AP3D1: variants seen among roughly 807,000 people sequenced by gnomAD.
AP3D1 encodes AP-3 complex subunit delta-1.
AP3D1 carries 51 observed loss-of-function variants against 147.6 expected under a neutral mutation model. The ratio of observed to expected loss-of-function variants is 0.35; its 90% CI spans 0.28 to 0.44. AP3D1 has a LOEUF of 0.44. Among genes scored for constraint, AP3D1 ranks in the 20% least tolerant of loss-of-function variants. The pLI, the probability that AP3D1 is intolerant of heterozygous loss-of-function variation, is 1.00. For missense variants in AP3D1, 1,421 were observed against 1,624.2 expected (o/e 0.87, Z 2.15); for synonymous variants, 760 against 663.0 (o/e 1.15, Z -2.25).
intron 1 of AP3D1, among the ~76,000 whole-genome samples, chr19:2,141,184 A>G (rs1271475473): frequency 1.3e-5 from 2 of 152,210 alleles, no homozygotes; most frequent in South Asian, 2.1e-4. Context: ...GACACTTTCT[A>G]CAAAAACACC....
intron 15 of AP3D1, among the ~76,000 whole-genome samples, chr19:2,118,370 A>G (rs2018515304): frequency 6.6e-6 from 1 of 152,108 alleles, no homozygotes; most frequent in South Asian, 2.1e-4. Flanking sequence ...GCACCCTCAC[A>G]TACCCAGCAC....
At chr19:2,113,723 G>A (rs533507545) in intron 22 of AP3D1, among the ~76,000 whole-genome samples, 1 of 152,352 alleles carries the variant, frequency 6.6e-6, no homozygotes, top group Non-Finnish European at 1.5e-5. Context: ...ACGTGGGTGT[G>A]GACAGGCTCC....
intron 31 of AP3D1, among the ~76,000 whole-genome samples, chr19:2,107,222 T>C (rs1380171619): frequency 6.7e-6 from 1 of 149,526 alleles, no homozygotes; most frequent in Non-Finnish European, 1.5e-5. Flanking sequence ...ACCGCGCCAC[T>C]GCAGTCCAGC....
At chr19:2,164,335 A>ACC in intron 1 of AP3D1, 1 of 1,101,176 alleles carries the variant, frequency 9.1e-7, no homozygotes, top group Non-Finnish European at 1.1e-6. Context: ...GACACCCCAA[A>ACC]CCCCCCCAAG....
At chr19:2,153,604 G>A (rs1321183924), upstream of AP3D1, among the ~76,000 whole-genome samples, 1 of 151,944 alleles carries the variant, frequency 6.6e-6, no homozygotes, top group African/African-American at 2.4e-5. Context: ...CCGCCCAGGG[G>A]GCGGAGGTTG....
At chr19:2,154,072 C>A (rs147872094), upstream of AP3D1, among the ~76,000 whole-genome samples, 10,463 of 151,278 alleles carry the variant, frequency 0.069, 648 homozygotes, top group African/African-American at 0.16. Flanking sequence ...CTCAGCCTCC[C>A]GAGTAGCTGG....
Position 2,120,973 on chromosome 19 carries a change from G to A in AP3D1, c.1370C>T (p.Ser457Phe). 6.2e-7 allele frequency: 1 copy of A among 1,612,182 alleles called. No homozygotes were observed. The highest frequency in any genetic ancestry group is 1.1e-5 in the South Asian group (1 of 91,078). The change falls in exon 14 of 32, where the codon TCC (serine) becomes TTC (phenylalanine). Residue 457 changes from serine to phenylalanine, a missense_variant. Transcript: ENST00000643116. ...RVKAIRKFAV[S>F]QMSALLDSAH... is the part of the protein sequence containing the mutation. ...ACTGTCAAGCAGCGCAGACATCTGG[G>A]ACACGGCGAACTTGCGGATGGCCTT...
chr19:2,108,554 T>A, intron 31 of AP3D1, 133 bp downstream of exon 31: 1 of 775,934 alleles, frequency 1.3e-6, no homozygotes, highest in African/African-American at 1.7e-5. Context: ...GGTGAGGGGC[T>A]CATGGCAGCA....
Position 2,126,585 on chromosome 19 carries a change from C to T in AP3D1, c.856+567G>A, listed in dbSNP as rs192328266. Among the ~76,000 whole-genome samples the T allele has an allele frequency of 1.6e-3, 231 of 141,068 alleles. 1 individual carries two copies. The highest frequency in any genetic ancestry group is 5.1e-3 in the Admixed American group (68 of 13,264). The allele number at this position is 141,068 out of a possible 152,430, so 92.5% of individuals were successfully genotyped here. A position where few individuals can be genotyped will look rare whatever the true frequency, so the allele number is the denominator to read the frequency against. On this transcript the variant is annotated intron_variant, in intron 9 of 31. Transcript: ENST00000643116. Reference sequence around the variant, plus strand: ...AGGAGAATGGCGTGAACCTGGGAGGCGGAGGTTGCAGTAAGCCAAGTTGCG... The same window carrying T: ...AGGAGAATGGCGTGAACCTGGGAGGTGGAGGTTGCAGTAAGCCAAGTTGCG...
chr19:2,101,364 G>C lies in AP3D1; in HGVS notation c.*809C>G, dbSNP rs775094498. 2.0e-5 allele frequency: 3 copies of C among 152,228 alleles called. No homozygotes were observed. The highest frequency in any genetic ancestry group is 4.4e-5 in the Non-Finnish European group (3 of 68,060). 9.4% of individuals were successfully genotyped at this position (152,228 alleles called of 1,614,324 possible). A position where few individuals can be genotyped will look rare whatever the true frequency, so the allele number is the denominator to read the frequency against. On this transcript the variant is annotated 3_prime_UTR_variant, in exon 32 of 32. Coordinates refer to ENST00000643116, the MANE Select transcript of AP3D1 (RefSeq NM_001261826.3). The stretch of plus-strand genomic sequence containing the variant: ...CTTCAACACAGAACAGCCCAGGTCC[G>C]CTGCTTCCAGGCCCTGCCTGGGCCT...
At chr19:2,152,735 G>T (rs1033296094), upstream of AP3D1, among the ~76,000 whole-genome samples, 1 of 150,750 alleles carries the variant, frequency 6.6e-6, no homozygotes, top group Non-Finnish European at 1.5e-5. Flanking sequence ...AATTAGCCGG[G>T]CGTGGTGGCA....
At chr19:2,149,529 G>C (rs1321069957) in intron 1 of AP3D1, among the ~76,000 whole-genome samples, 1 of 146,560 alleles carries the variant, frequency 6.8e-6, no homozygotes, top group Non-Finnish European at 1.5e-5. Flanking sequence ...GGCAACAAGA[G>C]TGAAACTCCG....
intron 24 of AP3D1, 127 bp from the exon 25 acceptor site, chr19:2,111,955 G>T: frequency 7.0e-7 from 1 of 1,435,488 alleles, no homozygotes; most frequent in Non-Finnish European, 9.5e-7. Flanking sequence ...GGGATGGCAG[G>T]ACCAGCCACG....
At chr19:2,160,997 G>A (rs1367324696) in intron 1 of AP3D1, among the ~76,000 whole-genome samples, 1 of 151,956 alleles carries the variant, frequency 6.6e-6, no homozygotes, top group African/African-American at 2.4e-5. Flanking sequence ...GAGCCCCCAA[G>A]AGACTGCATC....
chr19:2,128,321 AAG>A (rs2018817859), intron 8 of AP3D1, among the ~76,000 whole-genome samples: 1 of 150,730 alleles, frequency 6.6e-6, no homozygotes, highest in Non-Finnish European at 1.5e-5. Context: ...CAGCATGGAG[AAG>A]AGTCTAGTGG....
intron 4 of AP3D1, among the ~76,000 whole-genome samples, chr19:2,134,093 G>T (rs1272058778): frequency 1.3e-5 from 2 of 151,914 alleles, no homozygotes; most frequent in Non-Finnish European, 2.9e-5. Context: ...GTGAGACTCT[G>T]TCTCAAAAAA....
intron 9 of AP3D1, 99 bp downstream of exon 9, chr19:2,127,053 G>A: frequency 7.7e-7 from 1 of 1,299,346 alleles, no homozygotes; most frequent in Non-Finnish European, 1.1e-6. Context: ...CAGCAGGGGT[G>A]GCGCTCGGAG....
chr19:2,108,825 C>G (rs1300595441), intron 30 of AP3D1, 59 bp from the exon 31 acceptor site: 1 of 1,526,318 alleles, frequency 6.6e-7, no homozygotes. Flanking sequence ...AGCCCCACCC[C>G]CAGAGCAGGG....
chr19:2,125,167 A>G (rs990482515), intron 9 of AP3D1, among the ~76,000 whole-genome samples: 1 of 152,244 alleles, frequency 6.6e-6, no homozygotes, highest in African/African-American at 2.4e-5. Flanking sequence ...AAAAATACAA[A>G]TATCTGGAAA....
Sources: allele counts gnomAD v4.1 joint callset (sites outside exome capture counted in the v4.1 genomes callset), GRCh38; gene constraint gnomAD v4.1.1; transcripts MANE v1.5; gene names NCBI Gene and HGNC (gene_info 2026-07-23, HGNC 2026-07-21).